The following CDHR3 variants were observed in gnomAD, a reference collection of about 807,000 sequenced individuals.
CDHR3 encodes cadherin-related family member 3.
CDHR3 carries 79 observed loss-of-function variants against 86.6 expected under a neutral mutation model. The ratio of observed to expected loss-of-function variants is 0.91; its 90% CI spans 0.76 to 1.10. The LOEUF (loss-of-function observed/expected upper bound fraction) is 1.10, where lower values mean the gene tolerates loss of function less well. Ranked by LOEUF, CDHR3 falls within the 50% of genes least tolerant of loss-of-function variation. The pLI is 0.00. For synonymous variants in CDHR3, 421 were observed against 402.4 expected, an observed-to-expected ratio of 1.05 and a Z score of -0.55; for missense variants, 1,081 against 1,077.6, an observed-to-expected ratio of 1.00 and a Z score of -0.04.
In CDHR3 at chr7:106,017,942, A is replaced by G. The variant is rs1298748217; in HGVS notation, c.1523A>G (p.Tyr508Cys). Residue 508 changes from tyrosine (Y) to cysteine (C), a missense_variant, in exon 12 of 19, where the codon TAT becomes TGT. Transcript: ENST00000317716. ...SISTGGASLQYPNVFWINPKT... is the reference protein window; with the variant it reads ...SISTGGASLQCPNVFWINPKT... ...TCCACTGGAGGGGCCAGCCTCCAGT[A>G]TCCAAATGTATTTTGGATTAATCCC... The G allele has an allele frequency of 6.2e-7, 1 of 1,613,380 alleles. No individual in the cohort carries two copies. The highest frequency in any genetic ancestry group is 8.5e-7 in the Non-Finnish European group (1 of 1,179,622).
Position 106,030,862 on chromosome 7 carries a change from T to C in CDHR3, c.2353+22T>C. 1.3e-6 allele frequency: 2 copies of C among 1,599,162 alleles called. No individual in the cohort carries two copies. Among genetic ancestry groups the C allele is most frequent in the Non-Finnish European group, 1.7e-6 (2 of 1,170,266 alleles). On this transcript the variant is annotated intron_variant, in intron 18 of 18. Coordinates refer to ENST00000317716, the MANE Select transcript of CDHR3 (RefSeq NM_152750.5). This position sits in a 1 kb window ranked among gnomAD's most constrained non-coding sequence, Gnocchi z 4.8. ...CCAGGTAATTAAGTGGCAATACCAC[T>C]GTAAGAATGCTTTTTATATTCCAGA...
intron 14 of CDHR3, among the ~76,000 whole-genome samples, chr7:106,023,240 G>A (rs1490248073): frequency 6.6e-6 from 1 of 152,194 alleles, no homozygotes; most frequent in Non-Finnish European, 1.5e-5. Context: ...TAATGAATCC[G>A]AAGCTCTGGA....
intron 4 of CDHR3, among the ~76,000 whole-genome samples, chr7:105,984,670 G>A (rs1183727774): frequency 6.6e-6 from 1 of 152,098 alleles, no homozygotes; most frequent in Non-Finnish European, 1.5e-5. Flanking sequence ...AAAAATCTAA[G>A]CTCATAAAAA....
chr7:106,002,806 A>G (rs910747689), intron 7 of CDHR3, among the ~76,000 whole-genome samples: 9 of 152,226 alleles, frequency 5.9e-5, no homozygotes, highest in African/African-American at 2.2e-4. Flanking sequence ...TTTAACATGT[A>G]TAAAATATTG....
chr7:106,027,555 G>C (rs1438750518), intron 16 of CDHR3: 1 of 353,416 alleles, frequency 2.8e-6, no homozygotes, highest in Non-Finnish European at 5.7e-6. Context: ...AAATTGGGAA[G>C]GTCCATCTGA....
At chr7:105,995,559 G>A (rs531271730) in intron 5 of CDHR3, among the ~76,000 whole-genome samples, 14 of 152,208 alleles carry the variant, frequency 9.2e-5, no homozygotes, top group African/African-American at 1.2e-4. Flanking sequence ...TTGTCGAGCC[G>A]GTGAAGTCCT....
intron 18 of CDHR3, among the ~76,000 whole-genome samples, chr7:106,031,400 G>A (rs938105095): frequency 6.6e-6 from 1 of 152,164 alleles, no homozygotes; most frequent in Non-Finnish European, 1.5e-5. Flanking sequence ...TCCAAATTTA[G>A]CTCCTTTACA....
chr7:105,969,320 AC>A (rs1287683879), intron 1 of CDHR3, among the ~76,000 whole-genome samples: 3 of 128,958 alleles, frequency 2.3e-5, no homozygotes, highest in Non-Finnish European at 4.7e-5. Context: ...AATGGCGTGA[AC>A]CCCAGGGGGC....
At chr7:106,005,123 A>G (rs1357911095) in intron 8 of CDHR3, among the ~76,000 whole-genome samples, 1 of 152,174 alleles carries the variant, frequency 6.6e-6, no homozygotes, top group African/African-American at 2.4e-5. Flanking sequence ...AGGAAAACAT[A>G]CCACCAGCCA....
intron 6 of CDHR3, among the ~76,000 whole-genome samples, chr7:106,001,143 T>C (rs1318231118): frequency 1.3e-5 from 2 of 152,202 alleles, no homozygotes; most frequent in South Asian, 2.1e-4. Context: ...ATAGGCCACC[T>C]GTCCTTATTT....
intron 6 of CDHR3, among the ~76,000 whole-genome samples, chr7:106,000,023 G>A (rs1023202192): frequency 2.0e-5 from 3 of 152,190 alleles, no homozygotes; most frequent in Non-Finnish European, 4.4e-5. Flanking sequence ...GCCCAGCCTG[G>A]GGGCGCTGGG....
intron 16 of CDHR3, chr7:106,027,754 G>T (rs1837589493): frequency 2.4e-6 from 1 of 416,774 alleles, no homozygotes. Flanking sequence ...TTTGATTATA[G>T]TGGTTATTGA....
intron 1 of CDHR3, among the ~76,000 whole-genome samples, chr7:105,974,233 C>T (rs1828424290): frequency 6.6e-6 from 1 of 152,200 alleles, no homozygotes. Context: ...CTTGTTTCCT[C>T]CTCTGTGGAA....
chr7:106,032,703 G>A lies in CDHR3; in HGVS notation c.*6G>A. On this transcript the variant is annotated 3_prime_UTR_variant, in exon 19 of 19. Coordinates refer to ENST00000317716, the MANE Select transcript of CDHR3 (RefSeq NM_152750.5). ...AACCACACCCAGGAAAGTAAACGGG[G>A]TCTAAGGAGGGGCCTGTCAATCACT... 1 of 1,604,776 alleles carries A rather than the reference G, an allele frequency of 6.2e-7. No homozygotes were observed. The highest frequency in any genetic ancestry group is 2.2e-5 in the East Asian group (1 of 44,612).
Position 106,020,364 on chromosome 7 carries a change from C to G in CDHR3, c.1654-9C>G, listed in dbSNP as rs764542582. The G allele has an allele frequency of 1.3e-6, 2 of 1,592,474 alleles. No homozygotes were observed. The highest frequency in any genetic ancestry group is 1.1e-5 in the South Asian group (1 of 88,282). ...GCTATTGAGAATGACCACCTTCTTG[C>G]TACTCTAGGTTACTGTGAACATCCT... On this transcript the variant is annotated splice_polypyrimidine_tract_variant and intron_variant, in intron 12 of 18. Coordinates refer to ENST00000317716, the MANE Select transcript of CDHR3 (RefSeq NM_152750.5).
rs772615727 is a variant in CDHR3 at position 105,984,216 on chromosome 7, G to C, written c.440G>C (p.Arg147Thr). 2 of 1,610,076 alleles carry C rather than the reference G, an allele frequency of 1.2e-6. No individual in the cohort carries two copies. The highest frequency in any genetic ancestry group is 1.7e-6 in the Non-Finnish European group (2 of 1,177,326). Reference protein sequence around the residue: ...AEGLHLYIVERANPGFIYQVE... With the variant: ...AEGLHLYIVETANPGFIYQVE... ...GGTCTACACCTCTACATAGTAGAAA[G>C]AGCAAACCCTGGATTCATTTACCAG... Residue 147 changes from arginine to threonine, a missense_variant, in exon 4 of 19, where the codon AGA becomes ACA. Physicochemically the swap from Arg to Thr is moderately conservative, Grantham distance 71. Transcript: ENST00000317716.
rs1367174200 is a variant in CDHR3 at position 106,035,517 on chromosome 7, G to A, written c.*2820G>A. On this transcript the variant is annotated 3_prime_UTR_variant, in exon 19 of 19. Transcript: ENST00000317716. ...GCCCAGCAAAGCAGAGAAAGAATGA[G>A]GCAACGAAAGAATGAAAGCAGGGAT... 6.6e-6 allele frequency among the ~76,000 whole-genome samples: 1 copy of A among 152,164 alleles called. No individual in the cohort carries two copies. The highest frequency in any genetic ancestry group is 1.5e-5 in the Non-Finnish European group (1 of 68,030).
At chr7:105,983,966 G>T (rs1830164167) in intron 3 of CDHR3, among the ~76,000 whole-genome samples, 1 of 152,184 alleles carries the variant, frequency 6.6e-6, no homozygotes, top group East Asian at 1.9e-4. Context: ...CATGAATGAA[G>T]ACTTGGTACC....
intron 8 of CDHR3, among the ~76,000 whole-genome samples, chr7:106,010,109 C>A (rs569575783): frequency 6.6e-6 from 1 of 152,270 alleles, no homozygotes; most frequent in South Asian, 2.1e-4. Flanking sequence ...GGCTTCGGGA[C>A]CTTGGATTCT....
Sources: gnomAD v4.1 joint callset for allele counts (sites outside exome capture counted in the v4.1 genomes callset) on GRCh38, gnomAD v4.1.1 for gene constraint, Gnocchi (gnomAD v3.1) non-coding constraint, MANE v1.5 for transcripts, NCBI Gene and HGNC (gene_info 2026-07-23, HGNC 2026-07-21) for gene names.